Variants in ARHGAP6 observed in about 807,000 individuals in gnomAD.
ARHGAP6 encodes Rho GTPase activating protein 6, also known as rho GTPase-activating protein 6.
A neutral mutation model predicts 55.7 loss-of-function variants in ARHGAP6; 16 were observed. The ratio of observed to expected loss-of-function variants is 0.29; its 90% CI spans 0.19 to 0.44. ARHGAP6 has a LOEUF of 0.44. Ranked by LOEUF, ARHGAP6 falls within the 20% of genes least tolerant of loss-of-function variation. The probability of loss-of-function intolerance (pLI) is 1.00; values close to 1 mark genes in which losing one functional copy is unlikely to be tolerated. For synonymous variants in ARHGAP6, 382 were observed against 360.9 expected (o/e 1.06, Z -0.66); for missense variants, 698 against 808.9 (o/e 0.86, Z 1.66).
intron 1 of ARHGAP6, among the ~76,000 whole-genome samples, chrX:11,577,876 T>C (rs1485786206): frequency 9.0e-6 from 1 of 111,011 alleles, no homozygotes; most frequent in African/African-American, 3.3e-5. Flanking sequence ...TCATCATCTT[T>C]CGGCCGATAC....
intron 1 of ARHGAP6, among the ~76,000 whole-genome samples, chrX:11,621,388 T>A (rs186126978): frequency 1.8e-5 from 2 of 111,411 alleles, no homozygotes; most frequent in Non-Finnish European, 3.8e-5. Context: ...GGAAGATAGA[T>A]GAAATCACAT....
chrX:11,315,049 T>C (rs1410890504), intron 1 of ARHGAP6, among the ~76,000 whole-genome samples: 1 of 112,596 alleles, frequency 8.9e-6, no homozygotes, highest in Non-Finnish European at 1.9e-5. Context: ...ATATCTTTTG[T>C]TAGCCTGCAT....
At chrX:11,355,011 G>T (rs2048915219) in intron 1 of ARHGAP6, among the ~76,000 whole-genome samples, 1 of 111,790 alleles carries the variant, frequency 8.9e-6, no homozygotes, top group Non-Finnish European at 1.9e-5. Context: ...CAAGAAATTA[G>T]AAATTTGCAT....
At chrX:11,374,295 C>T (rs1476438700) in intron 1 of ARHGAP6, among the ~76,000 whole-genome samples, 1 of 111,736 alleles carries the variant, frequency 8.9e-6, no homozygotes, top group Non-Finnish European at 1.9e-5. Context: ...TTTGAGTAGT[C>T]ACTCCCTCTC....
chrX:11,140,704 G>A (rs2045609581), intron 12 of ARHGAP6, among the ~76,000 whole-genome samples: 2 of 111,353 alleles, frequency 1.8e-5, no homozygotes, highest in African/African-American at 3.3e-5. Flanking sequence ...GAGAAATCCA[G>A]TTGTAATAGG....
At chrX:11,488,847 T>C (rs947079408) in intron 1 of ARHGAP6, among the ~76,000 whole-genome samples, 1 of 111,790 alleles carries the variant, frequency 8.9e-6, no homozygotes, top group Non-Finnish European at 1.9e-5. Flanking sequence ...GTAGGAAAAT[T>C]GTCTTCCACA....
intron 1 of ARHGAP6, chrX:11,300,490 C>T (rs889097470): frequency 1.5e-5 from 9 of 596,450 alleles, no homozygotes; most frequent in Non-Finnish European, 2.4e-5. Context: ...TTATAGAGTT[C>T]AACTTAAATG....
At chrX:11,411,183 T>TATATA (rs2049676180) in intron 1 of ARHGAP6, among the ~76,000 whole-genome samples, 4 of 31,775 alleles carry the variant, frequency 1.3e-4, no homozygotes, top group Non-Finnish European at 1.7e-4. Context: ...CAGACATTAT[T>TATATA]TATATATATA....
intron 1 of ARHGAP6, among the ~76,000 whole-genome samples, chrX:11,442,956 T>C (rs770358255): frequency 4.5e-5 from 5 of 112,225 alleles, no homozygotes; most frequent in Admixed American, 3.8e-4. Context: ...CATTCTTTTT[T>C]CTGTTTTTGA....
chrX:11,548,472 A>C (rs1051155886), intron 1 of ARHGAP6, among the ~76,000 whole-genome samples: 3 of 110,964 alleles, frequency 2.7e-5, no homozygotes, highest in African/African-American at 9.9e-5. Context: ...TTTGGCTCAA[A>C]ATTTTTTTAG....
intron 1 of ARHGAP6, among the ~76,000 whole-genome samples, chrX:11,414,515 A>G (rs1351171650): frequency 4.6e-5 from 5 of 109,338 alleles, no homozygotes; most frequent in Non-Finnish European, 9.5e-5. Context: ...AATATGGCAG[A>G]CAGTCTACTA....
chrX:11,649,987 T>G (rs1356768024), intron 1 of ARHGAP6, among the ~76,000 whole-genome samples: 1 of 104,588 alleles, frequency 9.6e-6, no homozygotes, highest in Non-Finnish European at 2.0e-5. Flanking sequence ...TTCAACTTTC[T>G]TTTCTTTTTT....
At chrX:11,180,845 C>G (rs1289486886) in intron 6 of ARHGAP6, among the ~76,000 whole-genome samples, 1 of 112,298 alleles carries the variant, frequency 8.9e-6, no homozygotes, top group Non-Finnish European at 1.9e-5. Context: ...TCCACTGGCA[C>G]TCCTCCAACT....
chrX:11,312,080 C>T (rs1243910459), intron 1 of ARHGAP6, among the ~76,000 whole-genome samples: 2 of 111,947 alleles, frequency 1.8e-5, no homozygotes, highest in Non-Finnish European at 3.8e-5. Context: ...AATTTAAATA[C>T]TGTAAATAAA....
intron 1 of ARHGAP6, among the ~76,000 whole-genome samples, chrX:11,619,012 T>C (rs1019083653): frequency 4.5e-5 from 5 of 111,725 alleles, no homozygotes; most frequent in African/African-American, 1.6e-4. Flanking sequence ...ATATCAGTTT[T>C]CAAGGAAAGT....
At chrX:11,629,491 AC>A (rs1004020980) in intron 1 of ARHGAP6, among the ~76,000 whole-genome samples, 2 of 111,262 alleles carry the variant, frequency 1.8e-5, no homozygotes, top group African/African-American at 3.3e-5. Context: ...AAAATGATAA[AC>A]AAGACAAACA....
intron 1 of ARHGAP6, chrX:11,293,489 A>G: frequency 8.9e-6 from 1 of 112,235 alleles, no homozygotes; most frequent in Middle Eastern, 4.6e-3. Flanking sequence ...TTTATTTATA[A>G]TTTGATATCC....
At chrX:11,610,696 T>TA (rs1162955680) in intron 1 of ARHGAP6, among the ~76,000 whole-genome samples, 1 of 111,431 alleles carries the variant, frequency 9.0e-6, no homozygotes, top group African/African-American at 3.3e-5. Context: ...ATATGATACA[T>TA]ATGATAAAAT....
chrX:11,382,040 A>G (rs1206901774), intron 1 of ARHGAP6, among the ~76,000 whole-genome samples: 1 of 111,742 alleles, frequency 8.9e-6, no homozygotes, highest in East Asian at 2.8e-4. Flanking sequence ...GATGATGACA[A>G]TGGTGATGAT....
Sources: gnomAD v4.1 joint callset for allele counts (sites outside exome capture counted in the v4.1 genomes callset) on GRCh38, gnomAD v4.1.1 for gene constraint, MANE v1.5 for transcripts, NCBI Gene and HGNC (gene_info 2026-07-23, HGNC 2026-07-21) for gene names.